Variants in C2CD3 observed in about 807,000 individuals in gnomAD.
The protein encoded by C2CD3 is C2 domain containing 3 centriole elongation regulator, also known as C2 domain-containing protein 3.
In C2CD3, 148 loss-of-function variants were observed where a neutral mutation model predicts 234.0. The ratio of observed to expected loss-of-function variants is 0.63; its 90% CI spans 0.55 to 0.72. C2CD3 has a LOEUF of 0.72. Among genes scored for constraint, C2CD3 ranks in the 30% least tolerant of loss-of-function variants. The pLI, the probability that C2CD3 is intolerant of heterozygous loss-of-function variation, is 0.00. For synonymous variants in C2CD3, 1,000 were observed against 1,035.4 expected (o/e 0.97, Z 0.66); for missense variants, 2,577 against 2,811.5 (o/e 0.92, Z 1.89).
chr11:74,151,910 A>G (rs966162494), intron 3 of C2CD3, among the ~76,000 whole-genome samples: 1 of 152,214 alleles, frequency 6.6e-6, no homozygotes, highest in African/African-American at 2.4e-5. Context: ...TTTAGAGATG[A>G]AAATATTTGA....
At chr11:74,108,968 T>C (rs1956640740) in intron 12 of C2CD3, 66 bp downstream of exon 12, 1 of 778,436 alleles carries the variant, frequency 1.3e-6, no homozygotes, top group Non-Finnish European at 2.2e-6. Flanking sequence ...GGTAAGAATA[T>C]AATTTTAGGT....
At chr11:74,151,581 C>T (rs180675117) in intron 3 of C2CD3, among the ~76,000 whole-genome samples, 1 of 152,222 alleles carries the variant, frequency 6.6e-6, no homozygotes, top group Admixed American at 6.5e-5. Context: ...GCTGCCTTGG[C>T]CTCCCAAAGT....
chr11:74,047,779 AT>A, intron 28 of C2CD3, among the ~76,000 whole-genome samples: 1 of 152,216 alleles, frequency 6.6e-6, no homozygotes, highest in Non-Finnish European at 1.5e-5. Flanking sequence ...CTGTCCTTGT[AT>A]AGGATGGAAC....
chr11:74,069,571 C>T (rs1022782776), intron 24 of C2CD3, among the ~76,000 whole-genome samples: 1 of 152,194 alleles, frequency 6.6e-6, no homozygotes, highest in Admixed American at 6.5e-5. Context: ...CTGAAAATCG[C>T]ATAAGATAGG....
At chr11:74,023,368 G>A (rs1591270282) in intron 32 of C2CD3, among the ~76,000 whole-genome samples, 1 of 152,350 alleles carries the variant, frequency 6.6e-6, no homozygotes, top group East Asian at 1.9e-4. Context: ...GAGGGCCAAG[G>A]CTGGCCTTAG....
rs1469018480 is a variant in C2CD3, at chr11:74,074,307, C to T, written c.4897G>A (p.Gly1633Arg). 3.1e-6 allele frequency: 5 copies of T among 1,614,074 alleles called. No individual in the cohort carries two copies. Among genetic ancestry groups the T allele is most frequent in the Non-Finnish European group, 4.2e-6 (5 of 1,180,026 alleles). Reference sequence around the variant, plus strand: ...ACTAGGATGCTGACTGCAAACGTTCCATCCAAATCAGCAGGGCCCTCCTGC... The same window carrying T: ...ACTAGGATGCTGACTGCAAACGTTCTATCCAAATCAGCAGGGCCCTCCTGC... ...LTQEGPADLDGTFAVSILVER... is the reference protein window; with the variant it reads ...LTQEGPADLDRTFAVSILVER... Residue 1633 changes from glycine (G) to arginine (R), a missense_variant, in exon 24 of 33, where the codon GGA becomes AGA. By Grantham distance (125) the Gly-to-Arg change is moderately radical. Coordinates refer to ENST00000334126, the MANE Select transcript of C2CD3 (RefSeq NM_001286577.2).
chr11:74,021,762 T>C (rs1315649494), intron 32 of C2CD3, among the ~76,000 whole-genome samples: 1 of 152,188 alleles, frequency 6.6e-6, no homozygotes, highest in African/African-American at 2.4e-5. Flanking sequence ...TAGAGTGTGA[T>C]ATTACACTGG....
In C2CD3 at chr11:74,049,414, C is replaced by G. The variant is rs1161269174; in HGVS notation, c.5284G>C (p.Val1762Leu). 1 of 1,613,962 alleles carries G rather than the reference C, an allele frequency of 6.2e-7. No individual in the cohort carries two copies. The highest frequency in any genetic ancestry group is 2.2e-5 in the East Asian group (1 of 44,900). Reference protein sequence around the residue: ...GECQGQIKVAVSPLESLIHFK... With the variant: ...GECQGQIKVALSPLESLIHFK... ...TGTATCAAACTCTCCAAAGGGGAGA[C>G]AGCAACTTTTATCTGCCCCTGGCAC... Residue 1762 changes from valine to leucine, a missense_variant, in exon 27 of 33, where the codon GTC becomes CTC. Val to Leu is a conservative substitution (Grantham distance 32, BLOSUM62 1). Coordinates refer to ENST00000334126, the MANE Select transcript of C2CD3 (RefSeq NM_001286577.2).
At chr11:74,101,959 A>G (rs1321856862) in intron 14 of C2CD3, among the ~76,000 whole-genome samples, 1 of 152,148 alleles carries the variant, frequency 6.6e-6, no homozygotes, top group Non-Finnish European at 1.5e-5. Context: ...AGTGTTTTAG[A>G]AAGGTCATTC....
At chr11:74,120,453 G>A (rs1163237620) in intron 8 of C2CD3, among the ~76,000 whole-genome samples, 2 of 152,162 alleles carry the variant, frequency 1.3e-5, no homozygotes, top group Non-Finnish European at 2.9e-5. Flanking sequence ...CAAAGGACAT[G>A]ACCTCATCCT....
chr11:74,058,558 A>G (rs972585777), intron 24 of C2CD3, among the ~76,000 whole-genome samples: 3 of 152,182 alleles, frequency 2.0e-5, no homozygotes, highest in Non-Finnish European at 4.4e-5. Context: ...AAATGGTAGA[A>G]CTGAGAGTCC....
chr11:74,113,504 C>A, intron 11 of C2CD3: 1 of 379,068 alleles, frequency 2.6e-6, no homozygotes. Flanking sequence ...CATGGTGAAA[C>A]CCTGTCTCTA....
intron 16 of C2CD3, among the ~76,000 whole-genome samples, chr11:74,097,019 G>A (rs778628236): frequency 5.3e-5 from 8 of 151,668 alleles, no homozygotes; most frequent in Non-Finnish European, 8.8e-5. Context: ...CCCAGTGGTG[G>A]GTGCCTGTAA....
rs554702238 is a variant in C2CD3, at chr11:74,016,083, A to G, written c.6922-2558T>C. Among the ~76,000 whole-genome samples the G allele has an allele frequency of 3.4e-4, 52 of 152,170 alleles. No homozygotes were observed. The South Asian group carries it at 0.011, about 31-fold the overall frequency. ...CAGAGGAAGACCCTGTCTCAAAACA[A>G]AACACCTCTGTTGGTGACTCATCAA... On this transcript the variant is annotated intron_variant, in intron 32 of 32. Transcript: ENST00000334126.
At chr11:74,033,291 C>T (rs1952595868) in intron 31 of C2CD3, 60 bp downstream of exon 31, 1 of 1,422,856 alleles carries the variant, frequency 7.0e-7, no homozygotes, top group African/African-American at 1.4e-5. Context: ...TGCTCACACT[C>T]ACACTAGGCT....
In C2CD3 at chr11:74,139,717, T is replaced by C. The variant is rs142397370; in HGVS notation, c.595A>G (p.Thr199Ala). 2.5e-6 allele frequency: 4 copies of C among 1,612,028 alleles called. No individual in the cohort carries two copies. In the African/African-American group the frequency reaches 4.0e-5, roughly 16 times the overall value. The change falls in exon 4 of 33, where the codon ACT (threonine) becomes GCT (alanine). Residue 199 changes from threonine to alanine, a missense_variant. Physicochemically the swap from Thr to Ala is moderately conservative, Grantham distance 58. Coordinates refer to ENST00000334126, the MANE Select transcript of C2CD3 (RefSeq NM_001286577.2). ...LLSKQGFREN[T>A]EPSSTQFQVP... is the part of the protein sequence containing the mutation. Reference sequence around the variant, plus strand: ...TGAAACTGGGTACTGCTGGGTTCAGTATTCTCTCTGAATCCCTGCTTAGAT... The same window carrying C: ...TGAAACTGGGTACTGCTGGGTTCAGCATTCTCTCTGAATCCCTGCTTAGAT...
At chr11:74,137,030 C>CTT (rs1166676910) in intron 5 of C2CD3, among the ~76,000 whole-genome samples, 2 of 138,282 alleles carry the variant, frequency 1.4e-5, no homozygotes, top group African/African-American at 2.6e-5. Flanking sequence ...TTTCTCTTTG[C>CTT]TTTTTTTTTT....
At chr11:74,035,847 A>C (rs541457287) in intron 30 of C2CD3, among the ~76,000 whole-genome samples, 1 of 151,380 alleles carries the variant, frequency 6.6e-6, no homozygotes, top group South Asian at 2.1e-4. Context: ...ATTAGGCCCC[A>C]CAGCTTCAAT....
At chr11:74,095,539 T>A in intron 16 of C2CD3, 131 bp from the exon 17 acceptor site, 1 of 606,012 alleles carries the variant, frequency 1.7e-6, no homozygotes, top group African/African-American at 1.9e-5. Flanking sequence ...AGACACTTAA[T>A]TTTCATTGTA....
Sources: gnomAD v4.1 joint callset for allele counts (sites outside exome capture counted in the v4.1 genomes callset) on GRCh38, gnomAD v4.1.1 for gene constraint, MANE v1.5 for transcripts, NCBI Gene and HGNC (gene_info 2026-07-23, HGNC 2026-07-21) for gene names.